The following CDH2 variants were observed in gnomAD, a reference collection of about 807,000 sequenced individuals.
The protein encoded by CDH2 is cadherin 2.
In CDH2, 17 loss-of-function variants were observed where a neutral mutation model predicts 92.0. The observed-to-expected ratio is 0.18, with a 90% confidence interval of 0.13 to 0.28. CDH2 has a LOEUF of 0.28. Ranked by LOEUF, CDH2 falls within the 10% of genes least tolerant of loss-of-function variation. The pLI, the probability that CDH2 is intolerant of heterozygous loss-of-function variation, is 1.00. For missense variants in CDH2, 862 were observed against 1,133.1 expected, an observed-to-expected ratio of 0.76 and a Z score of 3.44; for synonymous variants, 419 against 415.9, an observed-to-expected ratio of 1.01 and a Z score of -0.09.
chr18:28,101,621 C>A (rs2144233594), intron 2 of CDH2, among the ~76,000 whole-genome samples: 1 of 152,118 alleles, frequency 6.6e-6, no homozygotes, highest in East Asian at 1.9e-4. Context: ...TTAATTTGAG[C>A]AAAATGCTAT....
chr18:27,991,397 C>T (rs2012410686), intron 9 of CDH2, among the ~76,000 whole-genome samples: 1 of 152,074 alleles, frequency 6.6e-6, no homozygotes, highest in Admixed American at 6.6e-5. Flanking sequence ...CTCTAAATCC[C>T]CAATTCAACA....
chr18:28,154,718 TTCC>T (rs2016182069), intron 1 of CDH2, among the ~76,000 whole-genome samples: 1 of 152,180 alleles, frequency 6.6e-6, no homozygotes, highest in Non-Finnish European at 1.5e-5. Flanking sequence ...GCTTTCCAAT[TTCC>T]TCCAAGTCAC....
chr18:28,150,951 G>A (rs1336817812), intron 1 of CDH2, among the ~76,000 whole-genome samples: 1 of 152,128 alleles, frequency 6.6e-6, no homozygotes, highest in Admixed American at 6.5e-5. Flanking sequence ...AAGTTACCAA[G>A]TTCAAAAAAC....
rs190596268 is a variant in CDH2, at chr18:28,084,200, G to A, written c.172+63473C>T. 1.8e-4 allele frequency among the ~76,000 whole-genome samples: 28 copies of A among 152,234 alleles called. No individual in the cohort carries two copies. In the East Asian group the frequency reaches 4.6e-3, roughly 25 times the overall value. ...TTAGAAATAATCACTCAGGCAGTGCGTATCACTTTTATTTTGCCTGAGAAC... is the reference window on the plus strand; with the variant it reads ...TTAGAAATAATCACTCAGGCAGTGCATATCACTTTTATTTTGCCTGAGAAC... On this transcript the variant is annotated intron_variant, in intron 2 of 15. Transcript: ENST00000269141.
chr18:27,979,100 T>C lies in CDH2; in HGVS notation c.2349+3844A>G, dbSNP rs1195670397. 5.3e-5 allele frequency among the ~76,000 whole-genome samples: 8 copies of C among 152,234 alleles called. No individual in the cohort carries two copies. The South Asian group carries it at 1.7e-3, about 32-fold the overall frequency. On this transcript the variant is annotated intron_variant, in intron 14 of 15. Transcript: ENST00000269141. ...AAGCTATAGAATGAGAGAATATATT[T>C]ACAATATATTTATCTAACAAGGAAC... is the stretch of plus-strand genomic sequence containing the variant.
chr18:27,988,481 C>T, intron 11 of CDH2, 43 bp downstream of exon 11: 1 of 1,572,376 alleles, frequency 6.4e-7, no homozygotes, highest in Admixed American at 1.7e-5. Context: ...TGATGAGGAT[C>T]TACTGTCTTT....
chr18:27,992,948 T>C, intron 8 of CDH2, 108 bp from the exon 9 acceptor site: 1 of 667,902 alleles, frequency 1.5e-6, no homozygotes, highest in Non-Finnish European at 2.5e-6. Context: ...ATTTTTATTA[T>C]CTACACTAAA....
intron 2 of CDH2, among the ~76,000 whole-genome samples, chr18:28,116,496 A>G (rs1181698856): frequency 6.6e-6 from 1 of 152,196 alleles, no homozygotes; most frequent in East Asian, 1.9e-4. Context: ...CTTAGAACAA[A>G]GCAAAGTTTC....
chr18:28,176,922 C>A (rs1003322783), intron 1 of CDH2, 41 bp downstream of exon 1: 14 of 1,197,182 alleles, frequency 1.2e-5, no homozygotes, highest in African/African-American at 4.8e-5. Context: ...GCCGCCCGCC[C>A]CACCCCGCCC....
chr18:28,021,195 T>C (rs2013401320), intron 2 of CDH2, among the ~76,000 whole-genome samples: 1 of 152,012 alleles, frequency 6.6e-6, no homozygotes, highest in African/African-American at 2.4e-5. Flanking sequence ...TGATATTTAA[T>C]GAAAGTTATG....
Position 27,951,603 on chromosome 18 carries a change from T to TAA in CDH2, c.*548_*549dup, listed in dbSNP as rs1909452254. The stretch of plus-strand genomic sequence containing the variant: ...CTCCCTTTATTTGCAACCAGCTGAG[T>TAA]AAGTTTTAAGATTTTAGTGAAAAAA... On this transcript the variant is annotated 3_prime_UTR_variant, in exon 16 of 16. Coordinates refer to ENST00000269141, the MANE Select transcript of CDH2 (RefSeq NM_001792.5). The TAA allele has an allele frequency of 7.2e-6, 1 of 139,268 alleles. No individual in the cohort carries two copies. Among genetic ancestry groups the TAA allele is most frequent in the African/African-American group, 2.5e-5 (1 of 39,216 alleles). 8.6% of individuals were successfully genotyped at this position (139,268 alleles called of 1,614,324 possible).
chr18:28,035,421 T>C (rs1203800204), intron 2 of CDH2, among the ~76,000 whole-genome samples: 1 of 152,050 alleles, frequency 6.6e-6, no homozygotes, highest in African/African-American at 2.4e-5. Context: ...CTCTTGGTGT[T>C]TTCAAACCCC....
At chr18:27,961,069 CACAA>C (rs531859225) in intron 15 of CDH2, among the ~76,000 whole-genome samples, 155 of 151,442 alleles carry the variant, frequency 1.0e-3, no homozygotes, top group African/African-American at 3.0e-3. Flanking sequence ...GACACACACA[CACAA>C]ACAAACACAC....
At chr18:27,989,776 G>A (rs1261458681) in intron 10 of CDH2, among the ~76,000 whole-genome samples, 1 of 152,072 alleles carries the variant, frequency 6.6e-6, no homozygotes, top group Non-Finnish European at 1.5e-5. Flanking sequence ...GTTCCCTGCG[G>A]AACCTTTTTG....
chr18:28,031,913 A>C (rs896837901), intron 2 of CDH2, among the ~76,000 whole-genome samples: 1 of 152,150 alleles, frequency 6.6e-6, no homozygotes, highest in South Asian at 2.1e-4. Flanking sequence ...TAAAAGGAAC[A>C]TGAGACCTTG....
intron 14 of CDH2, among the ~76,000 whole-genome samples, chr18:27,982,079 C>T (rs2012073354): frequency 6.6e-6 from 1 of 152,130 alleles, no homozygotes; most frequent in Non-Finnish European, 1.5e-5. Context: ...TCTAACCATC[C>T]TTAACTTGGT....
chr18:28,140,255 G>T (rs1376387644), intron 2 of CDH2, among the ~76,000 whole-genome samples: 2 of 151,906 alleles, frequency 1.3e-5, no homozygotes, highest in African/African-American at 4.8e-5. Context: ...TTTTGCAATG[G>T]ATTTTTAGAT....
At chr18:28,057,970 A>C (rs377758094) in intron 2 of CDH2, among the ~76,000 whole-genome samples, 3 of 152,194 alleles carry the variant, frequency 2.0e-5, no homozygotes, top group Admixed American at 6.5e-5. Context: ...AGAATTGCTA[A>C]GGTGGTTTGT....
chr18:28,008,313 CTA>C (rs1369069396), intron 5 of CDH2, among the ~76,000 whole-genome samples: 1 of 151,996 alleles, frequency 6.6e-6, no homozygotes, highest in Non-Finnish European at 1.5e-5. Flanking sequence ...ACTTCTTTTC[CTA>C]TGTTTCAGAA....
Sources: allele counts gnomAD v4.1 joint callset (sites outside exome capture counted in the v4.1 genomes callset), GRCh38; gene constraint gnomAD v4.1.1; transcripts MANE v1.5; gene names NCBI Gene and HGNC (gene_info 2026-07-23, HGNC 2026-07-21).